Variants in DHRS7B observed in about 807,000 individuals in gnomAD.
DHRS7B encodes the protein dehydrogenase/reductase 7B.
In DHRS7B, 24 loss-of-function variants were observed where a neutral mutation model predicts 26.4. The ratio of observed to expected loss-of-function variants is 0.91; its 90% confidence interval spans 0.66 to 1.28. DHRS7B has a LOEUF of 1.28. Ranked by LOEUF, DHRS7B falls within the 50% of genes most tolerant of loss-of-function variation. DHRS7B has a pLI of 0.00. For synonymous variants in DHRS7B, 142 were observed against 166.4 expected, an observed-to-expected ratio of 0.85 and a Z score of 1.13; for missense variants, 368 against 419.4, an observed-to-expected ratio of 0.88 and a Z score of 1.07.
chr17:21,161,259 G>A (rs926084616), intron 1 of DHRS7B, among the ~76,000 whole-genome samples: 6 of 152,224 alleles, frequency 3.9e-5, no homozygotes, highest in African/African-American at 1.4e-4. Flanking sequence ...TAACACCGGT[G>A]AGGGATGTGG....
At chr17:21,166,790 T>G (rs1019564645) in intron 1 of DHRS7B, among the ~76,000 whole-genome samples, 45 of 152,300 alleles carry the variant, frequency 3.0e-4, no homozygotes, top group African/African-American at 9.6e-4. Flanking sequence ...TTCCTTCCAG[T>G]TGGAACTCCT....
At chr17:21,161,032 G>T (rs746305155) in intron 1 of DHRS7B, among the ~76,000 whole-genome samples, 7 of 152,196 alleles carry the variant, frequency 4.6e-5, no homozygotes, top group Non-Finnish European at 7.3e-5. Context: ...ATAGTTAAAG[G>T]TTCATGGGTT....
At chr17:21,162,684 G>C (rs776356254) in intron 1 of DHRS7B, among the ~76,000 whole-genome samples, 2 of 152,158 alleles carry the variant, frequency 1.3e-5, no homozygotes, top group African/African-American at 4.8e-5. Flanking sequence ...GGGTTGCTGG[G>C]TGGCTTGAAA....
intron 1 of DHRS7B, among the ~76,000 whole-genome samples, chr17:21,157,936 C>A (rs1973915994): frequency 6.6e-6 from 1 of 151,582 alleles, no homozygotes; most frequent in Non-Finnish European, 1.5e-5. Context: ...CAGAGTGAGA[C>A]CCTGTCTGAA....
chr17:21,188,674 C>T (rs200124826), intron 5 of DHRS7B, 37 bp from the exon 6 acceptor site: 111 of 1,543,634 alleles, frequency 7.2e-5, no homozygotes, highest in Middle Eastern at 2.0e-4. Flanking sequence ...CCCACCCCAG[C>T]GCACTCAGTC....
chr17:21,179,024 A>G lies in DHRS7B; in HGVS notation c.309+682A>G, dbSNP rs8082306. Among the ~76,000 whole-genome samples, 1,465 of 152,288 alleles carry G rather than the reference A, an allele frequency of 9.6e-3. 32 individuals carry two copies. Among genetic ancestry groups the G allele is most frequent in the African/African-American group, 0.033 (1,385 of 41,552 alleles). On this transcript the variant is annotated intron_variant, in intron 3 of 6. Coordinates refer to ENST00000395511, the MANE Select transcript of DHRS7B (RefSeq NM_015510.5). The stretch of plus-strand genomic sequence containing the variant: ...CAGTGGCACAGTCATAGCTCACTGC[A>G]GCCTTGAACTCCTGGGCTCAAGTGA...
chr17:21,184,593 A>G (rs755443912), intron 5 of DHRS7B, 130 bp downstream of exon 5: 3 of 900,760 alleles, frequency 3.3e-6, no homozygotes, highest in Non-Finnish European at 5.0e-6. Flanking sequence ...GCACTTGAGA[A>G]TGTGTTCTCC....
intron 3 of DHRS7B, among the ~76,000 whole-genome samples, chr17:21,181,087 A>C (rs1052236281): frequency 6.6e-6 from 1 of 151,930 alleles, no homozygotes; most frequent in Non-Finnish European, 1.5e-5. Flanking sequence ...TTTTATTTTT[A>C]TTTTATTATT....
chr17:21,127,299 C>G (rs1973121657), intron 1 of DHRS7B: 1 of 399,110 alleles, frequency 2.5e-6, no homozygotes, highest in East Asian at 4.3e-5. Flanking sequence ...AGGCCTCGCG[C>G]CCACAGGGCT....
chr17:21,141,894 A>G (rs1371015445), intron 1 of DHRS7B, among the ~76,000 whole-genome samples: 6 of 152,184 alleles, frequency 3.9e-5, no homozygotes, highest in East Asian at 1.9e-4. Context: ...CCAAGCACCA[A>G]TAGGAAATTT....
intron 1 of DHRS7B, among the ~76,000 whole-genome samples, chr17:21,155,725 A>T (rs1003964449): frequency 2.0e-5 from 3 of 152,206 alleles, no homozygotes; most frequent in African/African-American, 7.2e-5. Flanking sequence ...AGGCCACAAA[A>T]CACACCTTAA....
At chr17:21,133,085 A>T (rs998063202) in intron 1 of DHRS7B, among the ~76,000 whole-genome samples, 9 of 152,232 alleles carry the variant, frequency 5.9e-5, no homozygotes, top group Admixed American at 5.9e-4. Context: ...AAATGAGATC[A>T]TGGGTATGGA....
intron 1 of DHRS7B, among the ~76,000 whole-genome samples, chr17:21,133,139 A>C (rs1973274697): frequency 6.6e-6 from 1 of 152,234 alleles, no homozygotes; most frequent in Non-Finnish European, 1.5e-5. Context: ...TACTTAAAAA[A>C]GTTAGTAATT....
At chr17:21,188,593 G>T in intron 5 of DHRS7B, 118 bp from the exon 6 acceptor site, 1 of 1,194,602 alleles carries the variant, frequency 8.4e-7, no homozygotes, top group South Asian at 1.6e-5. Context: ...ATAGCAAGAC[G>T]ATCACAAATA....
chr17:21,169,517 G>A (rs566712396), intron 1 of DHRS7B, among the ~76,000 whole-genome samples: 72 of 152,092 alleles, frequency 4.7e-4, no homozygotes, highest in Admixed American at 9.8e-4. Context: ...AGGCCCCTTT[G>A]CCAGGCTGCC....
Position 21,127,011 on chromosome 17 carries a change from G to C in DHRS7B, c.20+20G>C. On this transcript the variant is annotated intron_variant, in intron 1 of 6. Transcript: ENST00000395511. The stretch of plus-strand genomic sequence containing the variant: ...TACCAGGTAGGGGCTGGGGAAGAAG[G>C]AACCTCCGAGATGAGGCGATAGGGT... The C allele has an allele frequency of 1.3e-6, 2 of 1,511,660 alleles. No individual in the cohort carries two copies. The highest frequency in any genetic ancestry group is 2.4e-5 in the Admixed American group (1 of 41,292). 93.6% of individuals were successfully genotyped at this position (1,511,660 alleles called of 1,614,324 possible).
intron 5 of DHRS7B, among the ~76,000 whole-genome samples, chr17:21,185,860 G>A (rs1384891633): frequency 6.7e-6 from 1 of 149,414 alleles, no homozygotes; most frequent in African/African-American, 2.4e-5. Context: ...GCTAACTTTT[G>A]TATTTTTAGT....
chr17:21,142,213 C>T (rs528323959), intron 1 of DHRS7B, among the ~76,000 whole-genome samples: 2 of 152,222 alleles, frequency 1.3e-5, no homozygotes, highest in South Asian at 2.1e-4. Flanking sequence ...TTGAGCAAGC[C>T]AGAGGGTACG....
At chr17:21,127,170 C>T (rs1973117916) in intron 1 of DHRS7B, 179 bp downstream of exon 1, 7 of 623,942 alleles carry the variant, frequency 1.1e-5, no homozygotes, top group Non-Finnish European at 1.8e-5. Flanking sequence ...AGCCCAGGCG[C>T]TGGGACCAGA....
Sources: allele counts gnomAD v4.1 joint callset (sites outside exome capture counted in the v4.1 genomes callset), GRCh38; gene constraint gnomAD v4.1.1; transcripts MANE v1.5; gene names NCBI Gene and HGNC (gene_info 2026-07-23, HGNC 2026-07-21).